The following FAM168B variants were observed in gnomAD, a reference collection of about 807,000 sequenced individuals.
The protein encoded by FAM168B is myelin-associated neurite-outgrowth inhibitor.
A neutral mutation model predicts 21.8 loss-of-function variants in FAM168B; 19 were observed. That is an observed-to-expected ratio of 0.87 (90% CI 0.61 to 1.28). The LOEUF (loss-of-function observed/expected upper bound fraction) is 1.28, where lower values mean the gene tolerates loss of function less well. Ranked by LOEUF, FAM168B falls within the 50% of genes most tolerant of loss-of-function variation. The probability of loss-of-function intolerance (pLI) is 0.00; values close to 1 mark genes in which losing one functional copy is unlikely to be tolerated. For synonymous variants in FAM168B, 126 were observed against 104.8 expected, an observed-to-expected ratio of 1.20 and a Z score of -1.24; for missense variants, 233 against 263.1, an observed-to-expected ratio of 0.89 and a Z score of 0.79.
rs1285720069 is a variant in FAM168B, at chr2:131,048,334, T to C, written c.*4131A>G. The C allele has an allele frequency of 1.5e-6, 2 of 1,303,472 alleles. No homozygotes were observed. Among genetic ancestry groups the C allele is most frequent in the Admixed American group, 2.3e-5 (1 of 43,540 alleles). 80.7% of individuals were successfully genotyped at this position (1,303,472 alleles called of 1,614,324 possible). A position where few individuals can be genotyped will look rare whatever the true frequency, so the allele number is the denominator to read the frequency against. On this transcript the variant is annotated 3_prime_UTR_variant, in exon 7 of 7. Coordinates refer to ENST00000389915, the MANE Select transcript of FAM168B (RefSeq NM_001009993.4). ...GCCCACTGGTCTGCACAGGGACTCA[T>C]GGGCACAGCCTGTGGTGAGGAGGAG...
intron 3 of FAM168B, among the ~76,000 whole-genome samples, chr2:131,062,754 AG>A (rs1226578105): frequency 6.6e-6 from 1 of 152,144 alleles, no homozygotes. Flanking sequence ...GGCCTACCCA[AG>A]GTGTCTTACA....
intron 2 of FAM168B, among the ~76,000 whole-genome samples, chr2:131,078,869 C>A (rs1163106853): frequency 6.6e-6 from 1 of 151,700 alleles, no homozygotes; most frequent in Non-Finnish European, 1.5e-5. Context: ...ACCTGTAGTC[C>A]CAGCTACTTG....
At chr2:131,066,915 G>A (rs1003583244) in intron 3 of FAM168B, among the ~76,000 whole-genome samples, 1 of 152,184 alleles carries the variant, frequency 6.6e-6, no homozygotes, top group Non-Finnish European at 1.5e-5. Flanking sequence ...AAAGGAAAGA[G>A]GTTTAATGGA....
chr2:131,086,059 A>G (rs1335205296), intron 1 of FAM168B, among the ~76,000 whole-genome samples: 1 of 152,164 alleles, frequency 6.6e-6, no homozygotes, highest in Non-Finnish European at 1.5e-5. Context: ...CAGGAGAATC[A>G]ATTGTGTGTC....
At chr2:131,067,437 G>C (rs941439504) in intron 3 of FAM168B, among the ~76,000 whole-genome samples, 1 of 152,150 alleles carries the variant, frequency 6.6e-6, no homozygotes, top group Non-Finnish European at 1.5e-5. Context: ...AAACTGAACG[G>C]CAAGATCAAG....
At chr2:131,089,648 G>A (rs1296810497) in intron 1 of FAM168B, among the ~76,000 whole-genome samples, 2 of 151,330 alleles carry the variant, frequency 1.3e-5, no homozygotes, top group African/African-American at 4.9e-5. Flanking sequence ...AACCCGGAAG[G>A]CGGAGCTTGC....
chr2:131,073,603 C>T (rs1374572583), intron 2 of FAM168B, among the ~76,000 whole-genome samples: 2 of 152,192 alleles, frequency 1.3e-5, no homozygotes, highest in Non-Finnish European at 2.9e-5. Flanking sequence ...TGCCCTTCCA[C>T]CATCCATCAC....
intron 1 of FAM168B, among the ~76,000 whole-genome samples, 195 bp downstream of exon 1, chr2:131,093,019 C>T (rs1191083521): frequency 6.6e-6 from 1 of 151,600 alleles, no homozygotes; most frequent in African/African-American, 2.4e-5. Context: ...CGCACCTGCA[C>T]GCGTACGTGT....
chr2:131,085,819 A>G (rs1441868877), intron 1 of FAM168B, among the ~76,000 whole-genome samples: 1 of 152,244 alleles, frequency 6.6e-6, no homozygotes, highest in Non-Finnish European at 1.5e-5. Context: ...AAAACTTTGT[A>G]CAATGACCAC....
Position 131,071,852 on chromosome 2 carries a change from T to A in FAM168B, c.154+3A>T. On this transcript the variant is annotated splice_donor_region_variant and intron_variant, in intron 3 of 6. Transcript: ENST00000389915. ...ACAAAGCATTTTACCACCCAGCACATACCTGTTTGGAAGGTAGGATTCGCT... is the reference window on the plus strand; with the variant it reads ...ACAAAGCATTTTACCACCCAGCACAAACCTGTTTGGAAGGTAGGATTCGCT... 3 of 1,608,566 alleles carry A rather than the reference T, an allele frequency of 1.9e-6. No homozygotes were observed. The highest frequency in any genetic ancestry group is 1.7e-4 in the Middle Eastern group (1 of 6,034).
chr2:131,066,801 C>G (rs147996659), intron 3 of FAM168B, among the ~76,000 whole-genome samples: 10 of 152,324 alleles, frequency 6.6e-5, no homozygotes, highest in Non-Finnish European at 1.3e-4. Flanking sequence ...CCACATCTAG[C>G]TAACTCCACA....
intron 3 of FAM168B, among the ~76,000 whole-genome samples, chr2:131,061,736 T>C (rs1225742366): frequency 6.7e-6 from 1 of 150,102 alleles, no homozygotes; most frequent in African/African-American, 2.5e-5. Context: ...GAGCAGAGAC[T>C]GCGGCAATGC....
intron 5 of FAM168B, 84 bp downstream of exon 5, chr2:131,055,188 C>T (rs1246724247): frequency 2.3e-6 from 3 of 1,301,452 alleles, no homozygotes; most frequent in Non-Finnish European, 3.0e-6. Context: ...AACCTAGAGC[C>T]AAGGGTCAGA....
intron 1 of FAM168B, among the ~76,000 whole-genome samples, chr2:131,083,824 G>A (rs1693541067): frequency 6.6e-6 from 1 of 152,012 alleles, no homozygotes; most frequent in Non-Finnish European, 1.5e-5. Flanking sequence ...AATATGAACA[G>A]TGATTGACTC....
Position 131,093,219 on chromosome 2 carries a change from C to CGCG in FAM168B, c.-20_-18dup, listed in dbSNP as rs1280196128. The CGCG allele has an allele frequency of 6.6e-6, 1 of 150,516 alleles. No homozygotes were observed. The highest frequency in any genetic ancestry group is 1.5e-5 in the Non-Finnish European group (1 of 67,476). The allele number at this position is 150,516 out of a possible 1,614,324, so 9.3% of individuals were successfully genotyped here. On this transcript the variant is annotated 5_prime_UTR_variant, in exon 1 of 7. Coordinates refer to ENST00000389915, the MANE Select transcript of FAM168B (RefSeq NM_001009993.4). The stretch of plus-strand genomic sequence containing the variant: ...CGCTGCCCGCCCCCACTCACCGCGC[C>CGCG]GCGGCGGCGACCTGGGCCTCAGTGA...
At chr2:131,088,091 C>A (rs980533833) in intron 1 of FAM168B, among the ~76,000 whole-genome samples, 4 of 152,060 alleles carry the variant, frequency 2.6e-5, no homozygotes, top group Non-Finnish European at 5.9e-5. Context: ...GCTAAAAATA[C>A]AAAAATTAGC....
At chr2:131,073,675 C>A (rs1692993783) in intron 2 of FAM168B, among the ~76,000 whole-genome samples, 1 of 152,176 alleles carries the variant, frequency 6.6e-6, no homozygotes, top group Non-Finnish European at 1.5e-5. Context: ...ACTTCCCTAA[C>A]CTCCAGAACC....
intron 2 of FAM168B, among the ~76,000 whole-genome samples, chr2:131,079,180 T>C (rs1334361844): frequency 6.6e-6 from 1 of 151,072 alleles, no homozygotes; most frequent in Non-Finnish European, 1.5e-5. Context: ...CAAGTGTCCT[T>C]ATAAAAAACA....
intron 2 of FAM168B, among the ~76,000 whole-genome samples, chr2:131,072,266 G>A (rs941123812): frequency 6.6e-6 from 1 of 151,742 alleles, no homozygotes; most frequent in Non-Finnish European, 1.5e-5. Flanking sequence ...TGGGATTACA[G>A]GTGTGTGTCA....
Sources: allele counts gnomAD v4.1 joint callset (sites outside exome capture counted in the v4.1 genomes callset), GRCh38; gene constraint gnomAD v4.1.1; transcripts MANE v1.5; gene names NCBI Gene and HGNC (gene_info 2026-07-23, HGNC 2026-07-21).